Variants in PHYKPL observed in about 807,000 individuals in gnomAD.
PHYKPL encodes the protein 5-phosphonooxy-L-lysine phospho-lyase.
Under a neutral mutation model 51.3 loss-of-function variants are expected in PHYKPL, and 42 were observed. The observed-to-expected ratio is 0.82, with a 90% CI of 0.64 to 1.06. The LOEUF is 1.06. Ranked by LOEUF, PHYKPL falls within the 50% of genes least tolerant of loss-of-function variation. PHYKPL has a pLI of 0.00. For synonymous variants in PHYKPL, 264 were observed against 236.0 expected, an observed-to-expected ratio of 1.12 and a Z score of -1.09; for missense variants, 655 against 586.6, an observed-to-expected ratio of 1.12 and a Z score of -1.20.
At chr5:178,225,847 ACTAT>A (rs145067876) in intron 3 of PHYKPL, 15,134 of 200,346 alleles carry the variant, frequency 0.076, 687 homozygotes, top group Admixed American at 0.12. Context: ...CAATTCCAAC[ACTAT>A]CTACCTAGAG....
chr5:178,212,376 T>G (rs1225143332), intron 11 of PHYKPL, among the ~76,000 whole-genome samples: 1 of 152,228 alleles, frequency 6.6e-6, no homozygotes, highest in African/African-American at 2.4e-5. Context: ...GCAGTTGTGA[T>G]CTCTACTGTG....
chr5:178,224,455 C>T lies in PHYKPL; in HGVS notation c.611G>A (p.Gly204Asp). ...AGGCGCGGACACGGTTACCTTCCTG[C>T]CCTTCTCCTGTGCACTGCTGACCAC... Reference protein sequence around the residue: ...KRVVSSAQEKGRKIAAFFAES... With the variant: ...KRVVSSAQEKDRKIAAFFAES... Residue 204 changes from glycine to aspartate, a missense_variant, in exon 6 of 13, where the codon GGC becomes GAC. Physicochemically the swap from Gly to Asp is moderately conservative, Grantham distance 94 (BLOSUM62 -1). Transcript: ENST00000308158. The T allele has an allele frequency of 6.3e-7, 1 of 1,581,236 alleles. No homozygotes were observed. Among genetic ancestry groups the T allele is most frequent in the Non-Finnish European group, 8.6e-7 (1 of 1,162,126 alleles).
In PHYKPL at chr5:178,222,897, C is replaced by G. The variant is rs1405375989; in HGVS notation, c.656G>C (p.Gly219Ala). 6.2e-7 allele frequency: 1 copy of G among 1,614,166 alleles called. No homozygotes were observed. The highest frequency in any genetic ancestry group is 1.7e-5 in the Admixed American group (1 of 60,008). ...GCCAGCAGGGGGAATGATCTGCCCT[C>G]CCACACTGGGCAGAGACTCAGCGAA... ...AFFAESLPSV[G>A]GQIIPPAGYF... is the part of the protein sequence containing the mutation. The change falls in exon 7 of 13, where the codon GGA becomes GCA. Residue 219 changes from glycine to alanine, a missense_variant. Gly to Ala is a moderately conservative substitution (Grantham distance 60, BLOSUM62 0). Transcript: ENST00000308158.
At chr5:178,218,955 C>T (rs1394285007) in intron 8 of PHYKPL, among the ~76,000 whole-genome samples, 2 of 151,912 alleles carry the variant, frequency 1.3e-5, no homozygotes, top group Admixed American at 6.6e-5. Context: ...AGCAAGACTC[C>T]GTCTCAAAAA....
chr5:178,212,886 C>T (rs1758902205), intron 11 of PHYKPL, 87 bp downstream of exon 11: 6 of 1,549,606 alleles, frequency 3.9e-6, no homozygotes, highest in Non-Finnish European at 5.2e-6. Context: ...GGACTCTTGT[C>T]CCCTCCCTGT....
chr5:178,212,850 T>C, intron 11 of PHYKPL, 123 bp downstream of exon 11: 1 of 1,364,014 alleles, frequency 7.3e-7, no homozygotes, highest in Middle Eastern at 2.4e-4. Context: ...CCCTGCCCTG[T>C]CCAGAGGACA....
At chr5:178,218,302 T>A (rs192406006) in intron 8 of PHYKPL, among the ~76,000 whole-genome samples, 90 of 150,792 alleles carry the variant, frequency 6.0e-4, no homozygotes, top group Non-Finnish European at 1.0e-3. Context: ...CAAATGACTG[T>A]CCCAGAAGGA....
At position 178,229,983 on chromosome 5, in the gene PHYKPL, T is replaced by C. The variant is rs1169527403; in HGVS notation, c.295A>G (p.Thr99Ala). The C allele has an allele frequency of 6.2e-7, 1 of 1,614,144 alleles. No homozygotes were observed. The highest frequency in any genetic ancestry group is 1.6e-4 in the Middle Eastern group (1 of 6,062). The change falls in exon 3 of 13, where the codon ACC becomes GCC. Residue 99 changes from threonine to alanine, a missense_variant. Coordinates refer to ENST00000308158, the MANE Select transcript of PHYKPL (RefSeq NM_153373.4). ...IVDYAQRLSE[T>A]LPEQLCVFYF... The stretch of plus-strand genomic sequence containing the variant: ...AACACACAGAGCTGCTCCGGCAGGG[T>C]CTCTGACAGCCTCTGCGCATAGTCC...
intron 11 of PHYKPL, 40 bp from the exon 12 acceptor site, chr5:178,212,010 T>C (rs1758603591): frequency 1.2e-6 from 2 of 1,611,616 alleles, no homozygotes; most frequent in Non-Finnish European, 1.7e-6. Context: ...CAGTCACCTT[T>C]CTCTGCTGAA....
At chr5:178,220,649 C>G (rs1760976466) in intron 8 of PHYKPL, among the ~76,000 whole-genome samples, 1 of 151,148 alleles carries the variant, frequency 6.6e-6, no homozygotes, top group African/African-American at 2.4e-5. Context: ...AGGTACAGTC[C>G]TAAGAAAAAC....
chr5:178,215,317 G>A lies in PHYKPL; in HGVS notation c.1041C>T (p.Leu347=), dbSNP rs1031509017. 3.7e-6 allele frequency: 6 copies of A among 1,614,004 alleles called. No individual in the cohort carries two copies. The Admixed American group carries it at 5.0e-5, about 13-fold the overall frequency. ...TSVGSFLMQL[L]GQQKIKHPIV... ...TGGGATGTTTGATTTTTTGCTGCCCGAGGAGCTGCATCAGGAAGCTGCCTA... is the reference window on the plus strand; with the variant it reads ...TGGGATGTTTGATTTTTTGCTGCCCAAGGAGCTGCATCAGGAAGCTGCCTA... Residue 347 remains leucine (L), a synonymous_variant, in exon 9 of 13, where the codon CTC becomes CTT. Coordinates refer to ENST00000308158, the MANE Select transcript of PHYKPL (RefSeq NM_153373.4).
intron 12 of PHYKPL, chr5:178,210,506 G>GGCAAATGCTTGTAAATAGTAGCTGCTAT (rs1757911720): frequency 6.3e-7 from 1 of 1,582,782 alleles, no homozygotes; most frequent in Non-Finnish European, 8.7e-7. Context: ...CGTGGCACAG[G>GGCAAATGCTTGTAAATAGTAGCTGCTAT]GCAAATGCTT....
chr5:178,218,835 G>C (rs56071339), intron 8 of PHYKPL, among the ~76,000 whole-genome samples: 1 of 152,046 alleles, frequency 6.6e-6, no homozygotes, highest in African/African-American at 2.4e-5. Flanking sequence ...TTATGTAAAA[G>C]AAAAAGAAGA....
chr5:178,225,592 A>T, intron 3 of PHYKPL, 163 bp from the exon 4 acceptor site: 1 of 643,500 alleles, frequency 1.6e-6, no homozygotes, highest in East Asian at 2.8e-5. Context: ...CCTCCTATGT[A>T]CTAGAAGCTG....
chr5:178,229,891 T>C, intron 3 of PHYKPL, 49 bp downstream of exon 3: 9 of 1,596,128 alleles, frequency 5.6e-6, no homozygotes, highest in Non-Finnish European at 7.7e-6. Context: ...AGTGACTGTC[T>C]TTGTTACCGT....
intron 11 of PHYKPL, 52 bp from the exon 12 acceptor site, chr5:178,212,022 ATGCCCTGT>A (rs1758609571): frequency 6.3e-7 from 1 of 1,597,228 alleles, no homozygotes; most frequent in Admixed American, 1.7e-5. Flanking sequence ...TCTGCTGAAG[ATGCCCTGT>A]TGACTTCAGT....
In PHYKPL at chr5:178,225,395, G is replaced by A. The variant is rs773672222; in HGVS notation, c.373C>T (p.Arg125Cys). 6 of 1,613,996 alleles carry A rather than the reference G, an allele frequency of 3.7e-6. 1 individual carries two copies. Among genetic ancestry groups the A allele is most frequent in the Middle Eastern group, 1.6e-4 (1 of 6,062 alleles). Residue 125 changes from arginine (R) to cysteine (C), a missense_variant, in exon 4 of 13, where the codon CGC becomes TGC. Coordinates refer to ENST00000308158, the MANE Select transcript of PHYKPL (RefSeq NM_153373.4). The part of the protein sequence containing the change: ...EANDLALRLA[R>C]HYTGHQDVVV... ...ACGTCCTGGTGTCCCGTGTAGTGGC[G>A]AGCCAGCCTCAGGGCCAGGTCATTG... is the stretch of plus-strand genomic sequence containing the variant.
rs1050920181 is a variant in PHYKPL at position 178,219,424 on chromosome 5, GCAAAAGACA to G, written c.927+2922_927+2930del. Among the ~76,000 whole-genome samples, 73 of 149,682 alleles carry G rather than the reference GCAAAAGACA, an allele frequency of 4.9e-4. No homozygotes were observed. The East Asian group carries it at 7.4e-3, about 15-fold the overall frequency. Reference sequence around the variant, plus strand: ...TGGTAACTCAATAAAAAAAAAATGGGCAAAAGACACAAAAGACACAAATAGGCATTTTTT... The same window carrying G: ...TGGTAACTCAATAAAAAAAAAATGGGCAAAAGACACAAATAGGCATTTTTT... On this transcript the variant is annotated intron_variant, in intron 8 of 12. Transcript: ENST00000308158.
At chr5:178,222,614 T>C (rs1761400923) in intron 7 of PHYKPL, 34 bp from the exon 8 acceptor site, 2 of 1,604,846 alleles carry the variant, frequency 1.2e-6, no homozygotes, top group Non-Finnish European at 1.7e-6. Context: ...ACGGGGGCTG[T>C]GGTTGAGAGG....
Sources: gnomAD v4.1 joint callset for allele counts (sites outside exome capture counted in the v4.1 genomes callset) on GRCh38, gnomAD v4.1.1 for gene constraint, MANE v1.5 for transcripts, NCBI Gene and HGNC (gene_info 2026-07-23, HGNC 2026-07-21) for gene names.